The following DST variants were observed in gnomAD, a reference collection of about 807,000 sequenced individuals.
The protein encoded by DST is bullous pemphigoid antigen.
Under a neutral mutation model 875.2 loss-of-function variants are expected in DST, and 253 were observed. That is an observed-to-expected ratio of 0.29 (90% CI 0.26 to 0.32). DST has a LOEUF of 0.32. DST is among the 10% of genes least tolerant of loss of function. The probability of loss-of-function intolerance (pLI) is 1.00; values close to 1 mark genes in which losing one functional copy is unlikely to be tolerated. For synonymous variants in DST, 3,124 were observed against 3,197.1 expected (o/e 0.98, Z 0.77); for missense variants, 8,287 against 9,111.6 (o/e 0.91, Z 3.68).
At chr6:56,631,076 C>T (rs1276495735) in intron 30 of DST, 135 bp downstream of exon 30, 3 of 319,574 alleles carry the variant, frequency 9.4e-6, no homozygotes, top group Non-Finnish European at 9.5e-6. Flanking sequence ...AGCCACCACG[C>T]CCAGCCAATA....
chr6:56,610,925 C>T (rs1375421882), intron 38 of DST, among the ~76,000 whole-genome samples: 1 of 152,078 alleles, frequency 6.6e-6, no homozygotes, highest in East Asian at 1.9e-4. Context: ...CTTGTTTAGA[C>T]TAAAGCACAA....
At chr6:56,880,939 C>T (rs1315604255) in intron 3 of DST, among the ~76,000 whole-genome samples, 1 of 137,738 alleles carries the variant, frequency 7.3e-6, no homozygotes, top group Non-Finnish European at 1.5e-5. Context: ...GCTCCGCCTC[C>T]TGGGTTCATG....
chr6:56,636,109 GTAGAA>G (rs926521308), intron 23 of DST, among the ~76,000 whole-genome samples: 2 of 151,974 alleles, frequency 1.3e-5, no homozygotes, highest in Non-Finnish European at 2.9e-5. Context: ...AGACACATTT[GTAGAA>G]TAGAATAAAG....
chr6:56,810,930 C>T (rs928559343), intron 4 of DST, among the ~76,000 whole-genome samples: 1 of 151,894 alleles, frequency 6.6e-6, no homozygotes, highest in Admixed American at 6.6e-5. Context: ...GCTTGAAATC[C>T]CAGCACTTTG....
chr6:56,494,106 T>C lies in DST; in HGVS notation c.20298A>G (p.Ala6766=). Residue 6766 remains alanine, a synonymous_variant, in exon 83 of 104, where the codon GCA becomes GCG. Transcript: ENST00000680361. ...SLMQKGQQML[A]RCPKSAETNI... is the part of the protein sequence containing the mutation. ...TTGTCTCTGCAGATTTTGGGCATCT[T>C]GCAAGCATCTGCTGGCCTTTCTGCA... 2 of 1,611,864 alleles carry C rather than the reference T, an allele frequency of 1.2e-6. No individual in the cohort carries two copies. The highest frequency in any genetic ancestry group is 1.7e-6 in the Non-Finnish European group (2 of 1,178,544).
chr6:56,517,628 AAAGAT>A lies in DST; in HGVS notation c.18130-13_18130-9del. 1 of 1,610,890 alleles carries A rather than the reference AAAGAT, an allele frequency of 6.2e-7. No homozygotes were observed. The highest frequency in any genetic ancestry group is 1.1e-5 in the South Asian group (1 of 90,536). On this transcript the variant is annotated splice_polypyrimidine_tract_variant and intron_variant, in intron 69 of 103. Coordinates refer to ENST00000680361, the MANE Select transcript of DST (RefSeq NM_001374736.1). Reference sequence around the variant, plus strand: ...ATCAGCTGCTTGGTCAAACTAAACAAAAGATAAATAATTAGGTCAGCACGTTCCCG... The same window carrying A: ...ATCAGCTGCTTGGTCAAACTAAACAAAAATAATTAGGTCAGCACGTTCCCG...
intron 66 of DST, among the ~76,000 whole-genome samples, 176 bp downstream of exon 66, chr6:56,529,268 GGATA>G (rs1309632928): frequency 6.6e-6 from 1 of 152,126 alleles, no homozygotes; most frequent in Non-Finnish European, 1.5e-5. Context: ...CCAGCTAATT[GGATA>G]GAGTCACTCT....
In DST at chr6:56,603,278, G is replaced by T. The variant is rs1586314679; in HGVS notation, c.11084C>A (p.Thr3695Asn). The T allele has an allele frequency of 3.1e-6, 5 of 1,610,172 alleles. No individual in the cohort carries two copies. The highest frequency in any genetic ancestry group is 4.2e-6 in the Non-Finnish European group (5 of 1,178,558). ...ELSISHQSLK[T>N]AFSSLSNVSS... Reference sequence around the variant, plus strand: ...CACGTTGCTGAGGGAAGAGAAGGCGGTCTTCAAACTCTGGTGGCTAATACT... The same window carrying T: ...CACGTTGCTGAGGGAAGAGAAGGCGTTCTTCAAACTCTGGTGGCTAATACT... The change falls in exon 42 of 104, where the codon ACC becomes AAC. Residue 3695 changes from threonine (T) to asparagine (N), a missense_variant. Around this residue, in one of 10 missense-constraint regions of DST, gnomAD observed 3,138 missense variants for 3,116.6 expected, o/e 1.01. Transcript: ENST00000680361.
intron 4 of DST, among the ~76,000 whole-genome samples, chr6:56,792,642 T>TA (rs2099729343): frequency 1.3e-5 from 2 of 152,176 alleles, no homozygotes; most frequent in African/African-American, 4.8e-5. Flanking sequence ...AATACACTGA[T>TA]ATGTGCTTCC....
intron 5 of DST, among the ~76,000 whole-genome samples, chr6:56,733,982 GCCTGAGTCAGCA>G (rs760176989): frequency 1.2e-4 from 18 of 152,174 alleles, no homozygotes; most frequent in Non-Finnish European, 2.2e-4. Context: ...CACGTCCCTA[GCCTGAGTCAGCA>G]CTCCAGGCAA....
chr6:56,539,892 C>A (rs1481883919), intron 61 of DST, among the ~76,000 whole-genome samples: 1 of 152,156 alleles, frequency 6.6e-6, no homozygotes, highest in Non-Finnish European at 1.5e-5. Context: ...ACCTTCATGA[C>A]TAAGCCTGTT....
intron 49 of DST, among the ~76,000 whole-genome samples, chr6:56,582,985 C>T (rs2098053121): frequency 6.6e-6 from 1 of 152,080 alleles, no homozygotes; most frequent in Admixed American, 6.6e-5. Context: ...TTTCTTAATC[C>T]AGTCTATCAT....
chr6:56,489,621 T>C lies in DST; in HGVS notation c.20758-12A>G, dbSNP rs1562321887. On this transcript the variant is annotated splice_polypyrimidine_tract_variant and intron_variant, in intron 85 of 103. Transcript: ENST00000680361. ...CAAGCTTCATGGAACTAGAAAGAAA[T>C]TCACACCTTTGTCTGAAAATTTTTC... 4.4e-6 allele frequency: 7 copies of C among 1,605,446 alleles called. No individual in the cohort carries two copies. The Admixed American group carries it at 5.1e-5, about 12-fold the overall frequency.
At chr6:56,692,766 A>C (rs2099239958) in intron 9 of DST, 1 of 1,289,654 alleles carries the variant, frequency 7.8e-7, no homozygotes, top group African/African-American at 1.5e-5. Context: ...CACTGTCTTT[A>C]GCAGGAGAAG....
intron 4 of DST, among the ~76,000 whole-genome samples, chr6:56,806,599 C>A (rs1279528994): frequency 2.0e-5 from 3 of 152,158 alleles, no homozygotes; most frequent in African/African-American, 7.2e-5. Context: ...CCATGCTGAC[C>A]ATAAAGGGAG....
At chr6:56,600,300 A>T in intron 44 of DST, 79 bp from the exon 45 acceptor site, 1 of 1,391,448 alleles carries the variant, frequency 7.2e-7, no homozygotes. Flanking sequence ...TTATTAGAAC[A>T]CATTTTCCAA....
At chr6:56,483,191 A>G (rs1016639648) in intron 88 of DST, among the ~76,000 whole-genome samples, 1 of 152,248 alleles carries the variant, frequency 6.6e-6, no homozygotes, top group Non-Finnish European at 1.5e-5. Flanking sequence ...TTTCAATTTC[A>G]TAAAACAATG....
chr6:56,613,560 A>G (rs1164837370), intron 37 of DST, among the ~76,000 whole-genome samples: 2 of 152,176 alleles, frequency 1.3e-5, no homozygotes, highest in African/African-American at 2.4e-5. Context: ...GTCAGACAAG[A>G]GCAGGAGGGC....
At chr6:56,800,996 G>A (rs1190127678) in intron 4 of DST, among the ~76,000 whole-genome samples, 3 of 147,184 alleles carry the variant, frequency 2.0e-5, no homozygotes, top group Non-Finnish European at 4.5e-5. Context: ...CTCCAGCCGG[G>A]GCAACAGAAC....
Sources: gnomAD v4.1 joint callset for allele counts (sites outside exome capture counted in the v4.1 genomes callset) on GRCh38, gnomAD v4.1.1 for gene constraint, gnomAD v4.1.1 regional missense constraint, MANE v1.5 for transcripts, NCBI Gene and HGNC (gene_info 2026-07-23, HGNC 2026-07-21) for gene names.